Variants in ITGA2 observed in about 807,000 individuals in gnomAD.
ITGA2 encodes integrin alpha-2.
A neutral mutation model predicts 146.3 loss-of-function variants in ITGA2; 101 were observed. The ratio of observed to expected loss-of-function variants is 0.69; its 90% confidence interval spans 0.59 to 0.81. ITGA2 has a LOEUF of 0.81. Among genes scored for constraint, ITGA2 ranks in the 40% least tolerant of loss-of-function variants. The pLI is 0.00. For missense variants in ITGA2, 1,281 were observed against 1,402.7 expected (o/e 0.91, Z 1.39); for synonymous variants, 477 against 487.1 (o/e 0.98, Z 0.27).
intron 2 of ITGA2, among the ~76,000 whole-genome samples, chr5:53,037,285 G>A (rs1001336802): frequency 1.3e-5 from 2 of 152,220 alleles, no homozygotes; most frequent in Non-Finnish European, 2.9e-5. Context: ...CAGTTTCACT[G>A]GAGGAAAAGA....
Position 53,048,422 on chromosome 5 carries a change from T to C in ITGA2, c.447T>C (p.Cys149=), listed in dbSNP as rs757240716. The change falls in exon 5 of 30, where the codon TGT becomes TGC. Residue 149 remains cysteine, a synonymous_variant. Transcript: ENST00000296585. ...CGNQYYTTGV[C]SDISPDFQLS... is the part of the protein sequence containing the mutation. ...ATCAGTATTACACAACGGGTGTGTG[T>C]TCTGACATCAGTCCTGATTTTCAGC... 1 of 1,614,146 alleles carries C rather than the reference T, an allele frequency of 6.2e-7. No homozygotes were observed. Among genetic ancestry groups the C allele is most frequent in the South Asian group, 1.1e-5 (1 of 91,078 alleles).
intron 2 of ITGA2, among the ~76,000 whole-genome samples, chr5:53,036,079 T>TCATTCATC (rs1743480779): frequency 6.6e-6 from 1 of 151,934 alleles, no homozygotes; most frequent in Admixed American, 6.6e-5. Flanking sequence ...ATTCATTCAT[T>TCATTCATC]GAAAGACCAA....
intron 13 of ITGA2, 123 bp downstream of exon 13, chr5:53,063,052 T>C (rs1353594376): frequency 1.2e-6 from 1 of 832,026 alleles, no homozygotes; most frequent in Non-Finnish European, 1.9e-6. Flanking sequence ...GGTTTACATT[T>C]CATCATTTTT....
intron 4 of ITGA2, among the ~76,000 whole-genome samples, chr5:53,047,691 T>C (rs993551446): frequency 3.3e-5 from 5 of 152,168 alleles, no homozygotes; most frequent in Non-Finnish European, 5.9e-5. Flanking sequence ...GCAGAAAACA[T>C]AGTGGTCTGT....
At chr5:53,023,226 T>G (rs10058636) in intron 1 of ITGA2, among the ~76,000 whole-genome samples, 27,913 of 152,258 alleles carry the variant, frequency 0.18, 2,664 homozygotes, top group African/African-American at 0.22. Flanking sequence ...ATGTATAGAT[T>G]AATGAAGCAA....
intron 24 of ITGA2, 39 bp downstream of exon 24, chr5:53,078,913 A>C: frequency 9.1e-7 from 1 of 1,101,234 alleles, no homozygotes; most frequent in Non-Finnish European, 1.4e-6. Context: ...ATCCAGGAGA[A>C]AGTGAGAAGA....
chr5:53,065,003 A>T lies in ITGA2; in HGVS notation c.1694A>T (p.Asn565Ile), dbSNP rs1401267834. 2 of 1,612,936 alleles carry T rather than the reference A, an allele frequency of 1.2e-6. No homozygotes were observed. The change falls in exon 14 of 30, where the codon AAC becomes ATC. Residue 565 changes from asparagine (N) to isoleucine (I), a missense_variant. By Grantham distance (149) the Asn-to-Ile change is moderately radical (BLOSUM62 -3). This residue lies in a region of ITGA2 where 795 missense variants were observed against 841.7 expected (regional missense o/e 0.94). Coordinates refer to ENST00000296585, the MANE Select transcript of ITGA2 (RefSeq NM_002203.4). ...GSAIAALSDINMDGFNDVIVG... is the reference protein window; with the variant it reads ...GSAIAALSDIIMDGFNDVIVG... ...GCAATTGCAGCTCTTTCAGACATCA[A>T]CATGGATGGCTTTAATGATGTGATT...
chr5:53,032,005 T>C (rs921306485), intron 2 of ITGA2, among the ~76,000 whole-genome samples: 1 of 152,174 alleles, frequency 6.6e-6, no homozygotes, highest in Non-Finnish European at 1.5e-5. Context: ...ATTATGTGAC[T>C]CAAAAACCAG....
At chr5:53,013,589 G>A (rs1742259242) in intron 1 of ITGA2, among the ~76,000 whole-genome samples, 1 of 151,812 alleles carries the variant, frequency 6.6e-6, no homozygotes, top group Non-Finnish European at 1.5e-5. Context: ...TTGCTATTTA[G>A]GCTCTTTTTG....
chr5:52,991,160 A>G (rs1199294616), intron 1 of ITGA2, among the ~76,000 whole-genome samples: 1 of 152,154 alleles, frequency 6.6e-6, no homozygotes, highest in Non-Finnish European at 1.5e-5. Flanking sequence ...AACATCTGCA[A>G]AAGTTTTGTG....
In ITGA2 at chr5:53,092,103, C is replaced by A. The variant is rs1740454724; in HGVS notation, c.*1504C>A. 6.6e-6 allele frequency: 1 copy of A among 152,254 alleles called. No individual in the cohort carries two copies. Among genetic ancestry groups the A allele is most frequent in the Non-Finnish European group, 1.5e-5 (1 of 68,084 alleles). The allele number at this position is 152,254 out of a possible 1,614,324, so 9.4% of individuals were successfully genotyped here. On this transcript the variant is annotated 3_prime_UTR_variant, in exon 30 of 30. Coordinates refer to ENST00000296585, the MANE Select transcript of ITGA2 (RefSeq NM_002203.4). The stretch of plus-strand genomic sequence containing the variant: ...TGGACCACACTTTGAGAAACACCAC[C>A]CATTTCTACTTTTTGCACCTTATTT...
intron 1 of ITGA2, among the ~76,000 whole-genome samples, chr5:53,019,784 C>G (rs1742584517): frequency 6.6e-6 from 1 of 152,146 alleles, no homozygotes; most frequent in African/African-American, 2.4e-5. Flanking sequence ...CCTCGGCCTC[C>G]CAAAGTACTG....
intron 27 of ITGA2, among the ~76,000 whole-genome samples, chr5:53,084,957 G>C (rs1746089579): frequency 6.6e-6 from 1 of 152,218 alleles, no homozygotes; most frequent in Non-Finnish European, 1.5e-5. Flanking sequence ...AGAAAGTGTA[G>C]TATTTATGCT....
At chr5:53,062,177 A>G (rs1053245843) in intron 12 of ITGA2, among the ~76,000 whole-genome samples, 1 of 151,854 alleles carries the variant, frequency 6.6e-6, no homozygotes, top group East Asian at 1.9e-4. Flanking sequence ...TGCCATGTAC[A>G]CTTACATCAT....
chr5:53,046,135 C>T (rs1744069642), intron 4 of ITGA2, among the ~76,000 whole-genome samples: 1 of 144,386 alleles, frequency 6.9e-6, no homozygotes, highest in Non-Finnish European at 1.5e-5. Context: ...AAGTTGCATG[C>T]ACTGAGCCGA....
chr5:53,056,546 G>T (rs2897457), intron 9 of ITGA2, among the ~76,000 whole-genome samples: 72,108 of 151,322 alleles, frequency 0.48, 17,174 homozygotes, highest in Middle Eastern at 0.51. Flanking sequence ...GACAATGTAT[G>T]AATATCTATC....
At chr5:53,036,066 T>TTCATTCAC (rs1238224090) in intron 2 of ITGA2, among the ~76,000 whole-genome samples, 1 of 151,938 alleles carries the variant, frequency 6.6e-6, no homozygotes, top group Non-Finnish European at 1.5e-5. Context: ...CATTCATTCA[T>TTCATTCAC]TCATTCATTC....
intron 27 of ITGA2, among the ~76,000 whole-genome samples, chr5:53,085,857 T>C (rs1746131494): frequency 1.3e-5 from 2 of 152,148 alleles, no homozygotes; most frequent in African/African-American, 4.8e-5. Context: ...TCAGACCTAA[T>C]GTAGAGAAAA....
chr5:53,043,824 C>T (rs1445265396), intron 3 of ITGA2, among the ~76,000 whole-genome samples: 1 of 152,062 alleles, frequency 6.6e-6, no homozygotes, highest in Admixed American at 6.5e-5. Flanking sequence ...TTCTCTAAGA[C>T]ACAAAGGAAG....
Sources: allele counts gnomAD v4.1 joint callset (sites outside exome capture counted in the v4.1 genomes callset), GRCh38; gene constraint gnomAD v4.1.1; regional missense constraint gnomAD v4.1.1; transcripts MANE v1.5; gene names NCBI Gene and HGNC (gene_info 2026-07-23, HGNC 2026-07-21).